RIMBP2: variants seen among roughly 807,000 people sequenced by gnomAD.
RIMBP2 encodes RIMS binding protein 2.
Under a neutral mutation model 118.6 loss-of-function variants are expected in RIMBP2, and 48 were observed. The ratio of observed to expected loss-of-function variants is 0.40; its 90% confidence interval spans 0.32 to 0.51. The LOEUF (loss-of-function observed/expected upper bound fraction) is 0.51. RIMBP2 is among the 20% of genes least tolerant of loss of function. RIMBP2 has a pLI of 0.41. For missense variants in RIMBP2, 1,551 were observed against 1,768.3 expected, an observed-to-expected ratio of 0.88 and a Z score of 2.20; for synonymous variants, 762 against 742.9, an observed-to-expected ratio of 1.03 and a Z score of -0.42.
chr12:130,467,475 C>G (rs760951851), intron 6 of RIMBP2, among the ~76,000 whole-genome samples: 2 of 152,234 alleles, frequency 1.3e-5, no homozygotes, highest in African/African-American at 2.4e-5. Context: ...TCCAACCCAG[C>G]CAATCAGCAC....
At chr12:130,649,979 G>C (rs1459366257) in intron 1 of RIMBP2, among the ~76,000 whole-genome samples, 1 of 151,996 alleles carries the variant, frequency 6.6e-6, no homozygotes, top group Non-Finnish European at 1.5e-5. Flanking sequence ...GGAACAAGCG[G>C]TACGAGACTC....
chr12:130,425,148 C>T, intron 15 of RIMBP2: 1 of 306,912 alleles, frequency 3.3e-6, no homozygotes, highest in Non-Finnish European at 5.9e-6. Flanking sequence ...AGGTGAGATC[C>T]CGGCGGCACA....
At chr12:130,494,423 G>A (rs528299763) in intron 4 of RIMBP2, among the ~76,000 whole-genome samples, 4 of 152,214 alleles carry the variant, frequency 2.6e-5, no homozygotes, top group South Asian at 2.1e-4. Flanking sequence ...CAGATCACCC[G>A]AGGTCAAGAG....
Position 130,548,473 on chromosome 12 carries a change from G to T in RIMBP2, c.-216-30556C>A, listed in dbSNP as rs543872865. On this transcript the variant is annotated intron_variant, in intron 2 of 22. Transcript: ENST00000690449. ...ATCAGGCTACAAAATGTTTTCACGT[G>T]ATCTATCATGCCCACAAAACTGCCC... Among the ~76,000 whole-genome samples, 3 of 152,230 alleles carry T rather than the reference G, an allele frequency of 2.0e-5. No individual in the cohort carries two copies. In the South Asian group the frequency reaches 6.2e-4, roughly 32 times the overall value.
chr12:130,409,229 G>A (rs1280689494), intron 19 of RIMBP2, among the ~76,000 whole-genome samples: 3 of 150,470 alleles, frequency 2.0e-5, no homozygotes, highest in Non-Finnish European at 4.4e-5. Context: ...ACCGGCCATA[G>A]TCCTCTGTAG....
At chr12:130,492,717 T>C (rs1164290603) in intron 4 of RIMBP2, among the ~76,000 whole-genome samples, 5 of 152,226 alleles carry the variant, frequency 3.3e-5, no homozygotes, top group East Asian at 1.9e-4. Context: ...ACAGGCTGTG[T>C]GCCCTGGGGT....
At chr12:130,635,486 G>A (rs374132134) in intron 1 of RIMBP2, among the ~76,000 whole-genome samples, 3 of 152,266 alleles carry the variant, frequency 2.0e-5, no homozygotes, top group African/African-American at 7.2e-5. Context: ...GATCACCTGG[G>A]TGCATTGGTG....
At chr12:130,451,484 C>T (rs903156976) in intron 7 of RIMBP2, 144 bp from the exon 8 acceptor site, 11 of 913,822 alleles carry the variant, frequency 1.2e-5, no homozygotes, top group East Asian at 2.7e-5. Flanking sequence ...GTCTCCTGCT[C>T]GCCATCTATG....
intron 1 of RIMBP2, among the ~76,000 whole-genome samples, chr12:130,680,054 G>A (rs61934883): frequency 0.059 from 8,956 of 152,254 alleles, 368 homozygotes; most frequent in Admixed American, 0.12. Flanking sequence ...GTGTGATCAC[G>A]CAGGCAGTGT....
At chr12:130,702,142 C>G (rs898015540) in intron 1 of RIMBP2, among the ~76,000 whole-genome samples, 1 of 152,106 alleles carries the variant, frequency 6.6e-6, no homozygotes, top group Non-Finnish European at 1.5e-5. Context: ...GGAGGAAAAT[C>G]TAAGCTTCTC....
chr12:130,713,789 G>C (rs1178599971), intron 1 of RIMBP2, among the ~76,000 whole-genome samples: 1 of 152,212 alleles, frequency 6.6e-6, no homozygotes, highest in African/African-American at 2.4e-5. Context: ...GGTCCCTGAG[G>C]TTTGGCACTT....
rs1211256516 is a variant in RIMBP2 at position 130,396,433 on chromosome 12, A to AACTT, written c.*924_*927dup. Reference sequence around the variant, plus strand: ...GTAACCATCAAATACATCTGCCAGCAACTTTGTAAGTAAGTCTTTTGTTCA... The same window carrying AACTT: ...GTAACCATCAAATACATCTGCCAGCAACTTACTTTGTAAGTAAGTCTTTTGTTCA... On this transcript the variant is annotated 3_prime_UTR_variant, in exon 23 of 23. Coordinates refer to ENST00000690449, the MANE Select transcript of RIMBP2 (RefSeq NM_001393629.1). 3.3e-5 allele frequency: 5 copies of AACTT among 152,680 alleles called. No individual in the cohort carries two copies. The highest frequency in any genetic ancestry group is 7.3e-5 in the Non-Finnish European group (5 of 68,050). The allele number at this position is 152,680 out of a possible 1,614,324, so 9.5% of individuals were successfully genotyped here.
At chr12:130,708,859 C>T in intron 1 of RIMBP2, among the ~76,000 whole-genome samples, 1 of 152,220 alleles carries the variant, frequency 6.6e-6, no homozygotes, top group Non-Finnish European at 1.5e-5. Flanking sequence ...TCTGGGATCT[C>T]ACAGGTCCTG....
intron 5 of RIMBP2, among the ~76,000 whole-genome samples, chr12:130,473,176 C>G (rs1402772205): frequency 1.3e-5 from 2 of 152,234 alleles, no homozygotes; most frequent in African/African-American, 4.8e-5. Context: ...CAGGTGCAAA[C>G]TGGGCCATTT....
At chr12:130,654,565 C>G (rs1337651310) in intron 1 of RIMBP2, among the ~76,000 whole-genome samples, 1 of 152,222 alleles carries the variant, frequency 6.6e-6, no homozygotes, top group South Asian at 2.1e-4. Context: ...CTTCTGAGCT[C>G]TCCAAACTCT....
At chr12:130,467,965 T>C (rs1335313236) in intron 6 of RIMBP2, among the ~76,000 whole-genome samples, 3 of 152,174 alleles carry the variant, frequency 2.0e-5, no homozygotes, top group African/African-American at 7.2e-5. Context: ...TTCTGGGGTG[T>C]ATCCTATCTA....
intron 6 of RIMBP2, chr12:130,470,141 A>C: frequency 6.6e-6 from 1 of 152,136 alleles, no homozygotes; most frequent in Non-Finnish European, 1.5e-5. Flanking sequence ...GGAGAAGGCC[A>C]CTCATGTCGT....
Position 130,407,848 on chromosome 12 carries a change from G to C in RIMBP2, c.3590-19C>G, listed in dbSNP as rs1161545378. 1.9e-6 allele frequency: 3 copies of C among 1,601,352 alleles called. No homozygotes were observed. Among genetic ancestry groups the C allele is most frequent in the Non-Finnish European group, 1.7e-6 (2 of 1,168,576 alleles). The stretch of plus-strand genomic sequence containing the variant: ...CTTCTCTCTGTTCAGATCACAAGGG[G>C]GAAAGAAATCCATCATGAGGTTATT... On this transcript the variant is annotated intron_variant, in intron 19 of 22. Transcript: ENST00000690449.
chr12:130,604,208 GAA>G (rs1399952168), intron 2 of RIMBP2, among the ~76,000 whole-genome samples: 4 of 150,350 alleles, frequency 2.7e-5, no homozygotes, highest in Non-Finnish European at 4.4e-5. Context: ...AGGATATAAA[GAA>G]AAGGATTTTT....
Sources: gnomAD v4.1 joint callset for allele counts (sites outside exome capture counted in the v4.1 genomes callset) on GRCh38, gnomAD v4.1.1 for gene constraint, MANE v1.5 for transcripts, NCBI Gene and HGNC (gene_info 2026-07-23, HGNC 2026-07-21) for gene names.